The following NOTCH1 variants were observed in gnomAD, a reference collection of about 807,000 sequenced individuals.
NOTCH1 encodes the protein neurogenic locus notch homolog protein 1.
In NOTCH1, 37 loss-of-function variants were observed where a neutral mutation model predicts 254.8. The observed-to-expected ratio is 0.15, with a 90% CI of 0.11 to 0.19. The LOEUF is 0.19. NOTCH1 is among the 10% of genes least tolerant of loss of function. NOTCH1 has a pLI of 1.00. For synonymous variants in NOTCH1, 1,731 were observed against 1,618.1 expected (o/e 1.07, Z -1.68); for missense variants, 2,972 against 3,708.6 (o/e 0.80, Z 5.16).
intron 15 of NOTCH1, among the ~76,000 whole-genome samples, chr9:136,512,150 G>T (rs527983152): frequency 6.6e-6 from 1 of 152,236 alleles, no homozygotes; most frequent in Non-Finnish European, 1.5e-5. Flanking sequence ...CTGCCGGCCC[G>T]ATCGACGTGT....
intron 2 of NOTCH1, among the ~76,000 whole-genome samples, chr9:136,530,780 G>A (rs551372453): frequency 8.5e-5 from 13 of 152,334 alleles, no homozygotes; most frequent in African/African-American, 3.1e-4. Flanking sequence ...GACACGCCGG[G>A]GCTCTGCTCC....
intron 4 of NOTCH1, among the ~76,000 whole-genome samples, chr9:136,520,985 C>G (rs1194020981): frequency 6.6e-6 from 1 of 152,202 alleles, no homozygotes; most frequent in Non-Finnish European, 1.5e-5. Flanking sequence ...TGCTGACGTG[C>G]CAGGCAGGCT....
intron 24 of NOTCH1, 71 bp from the exon 25 acceptor site, chr9:136,505,952 C>T: frequency 7.1e-7 from 1 of 1,416,438 alleles, no homozygotes; most frequent in South Asian, 1.3e-5. Context: ...TCACACCCAG[C>T]CCTCGGCCAG....
rs748988550 is a variant in NOTCH1 at position 136,496,850 on chromosome 9, T to C, written c.6889A>G (p.Thr2297Ala). Residue 2297 changes from threonine (T) to alanine (A), a missense_variant, in exon 34 of 34, where the codon ACT (threonine) becomes GCT (alanine). Coordinates refer to ENST00000651671, the MANE Select transcript of NOTCH1 (RefSeq NM_017617.5). ...GSSSGGALNF[T>A]VGGSTSLNGQ... ...TTCAAACTGGTGGACCCGCCCACAG[T>C]GAAATTCAGGGCCCCTCCGCTGCTG... 4 of 1,612,810 alleles carry C rather than the reference T, an allele frequency of 2.5e-6. No homozygotes were observed. The highest frequency in any genetic ancestry group is 3.4e-6 in the Non-Finnish European group (4 of 1,179,978).
rs867637156 is a variant in NOTCH1 at position 136,504,830 on chromosome 9, C to G, written c.4861G>C (p.Gly1621Arg). 6.3e-7 allele frequency: 1 copy of G among 1,575,790 alleles called. No individual in the cohort carries two copies. The highest frequency in any genetic ancestry group is 8.6e-7 in the Non-Finnish European group (1 of 1,161,188). The change falls in exon 26 of 34, where the codon GGC (glycine) becomes CGC (arginine). Residue 1621 changes from glycine (G) to arginine (R), a missense_variant. By Grantham distance (125) the Gly-to-Arg change is moderately radical. Coordinates refer to ENST00000651671, the MANE Select transcript of NOTCH1 (RefSeq NM_017617.5). ...HGQQMIFPYY[G>R]REEELRKHPI... The stretch of plus-strand genomic sequence containing the variant: ...TGCTTGCGCAGCTCCTCCTCGCGGC[C>G]GTAGTAGGGGAAGATCATCTGCTGG...
chr9:136,516,097 G>C lies in NOTCH1; in HGVS notation c.1556-3C>G. 1 of 1,607,230 alleles carries C rather than the reference G, an allele frequency of 6.2e-7. No individual in the cohort carries two copies. Among genetic ancestry groups the C allele is most frequent in the Non-Finnish European group, 8.5e-7 (1 of 1,177,084 alleles). On this transcript the variant is annotated splice_region_variant and splice_polypyrimidine_tract_variant and intron_variant, in intron 9 of 33. Transcript: ENST00000651671. ...CTGGCACAGATGCCCAGTGAAGCCT[G>C]GGGCCGGGGAGGGGAGGGGAGGGAG...
Position 136,516,988 on chromosome 9 carries a change from C to T in NOTCH1, c.1555+284G>A, listed in dbSNP as rs573610958. ...TACGGCCAGGCACCCCTCAGGAGGC[C>T]GGGGTGCAGACGGCCCAGGGGCAGG... is the stretch of plus-strand genomic sequence containing the variant. On this transcript the variant is annotated intron_variant, in intron 9 of 33. Transcript: ENST00000651671. Among the ~76,000 whole-genome samples the T allele has an allele frequency of 2.1e-3, 317 of 150,842 alleles. 1 individual carries two copies. Among genetic ancestry groups the T allele is most frequent in the Middle Eastern group, 0.01 (3 of 292 alleles).
rs2133371643 is a variant in NOTCH1 at position 136,518,812 on chromosome 9, G to A, written c.878C>T (p.Thr293Ile). ...CPPEWTGQYC[T>I]EDVDECQLMP... ...CAGCTGGCACTCGTCCACATCCTCG[G>A]TACAGTACTGACCTGCAGGGAACAG... The change falls in exon 6 of 34, where the codon ACC (threonine) becomes ATC (isoleucine). Residue 293 changes from threonine (T) to isoleucine (I), a missense_variant. Physicochemically the swap from Thr to Ile is moderately conservative, Grantham distance 89. Around this residue, in one of 8 missense-constraint regions of NOTCH1, gnomAD observed 374 missense variants for 496.3 expected, o/e 0.75. Coordinates refer to ENST00000651671, the MANE Select transcript of NOTCH1 (RefSeq NM_017617.5). 1 of 1,612,730 alleles carries A rather than the reference G, an allele frequency of 6.2e-7. No individual in the cohort carries two copies. Among genetic ancestry groups the A allele is most frequent in the Non-Finnish European group, 8.5e-7 (1 of 1,179,922 alleles).
At chr9:136,526,145 G>T (rs1157759978) in intron 2 of NOTCH1, among the ~76,000 whole-genome samples, 2 of 152,214 alleles carry the variant, frequency 1.3e-5, no homozygotes, top group Non-Finnish European at 2.9e-5. Flanking sequence ...CTGTTGGGAG[G>T]GCAGACGTGG....
intron 21 of NOTCH1, 111 bp downstream of exon 21, chr9:136,507,844 T>C: frequency 8.9e-7 from 1 of 1,120,788 alleles, no homozygotes; most frequent in Non-Finnish European, 1.3e-6. Context: ...GACTGAACAG[T>C]GCATGGGCCT....
intron 2 of NOTCH1, among the ~76,000 whole-genome samples, chr9:136,528,506 G>A (rs1843509298): frequency 6.7e-6 from 1 of 148,628 alleles, no homozygotes; most frequent in African/African-American, 2.5e-5. Flanking sequence ...GGCAGGGACA[G>A]TGAGGGGGAT....
At chr9:136,512,975 C>CCCA in intron 15 of NOTCH1, 46 bp downstream of exon 15, 1 of 719,678 alleles carries the variant, frequency 1.4e-6, no homozygotes. Flanking sequence ...CCGCCCCTCC[C>CCCA]ACATAGGCCC....
rs761192850 is a variant in NOTCH1, at chr9:136,508,146, G to A, written c.3326-7C>T. On this transcript the variant is annotated splice_region_variant and splice_polypyrimidine_tract_variant and intron_variant, in intron 20 of 33. Coordinates refer to ENST00000651671, the MANE Select transcript of NOTCH1 (RefSeq NM_017617.5). Reference sequence around the variant, plus strand: ...AGGCGGGCAACGTCAACACCTGCGGGGGATGGGGTGGTAGACAGGTGAGGC... The same window carrying A: ...AGGCGGGCAACGTCAACACCTGCGGAGGATGGGGTGGTAGACAGGTGAGGC... 6.2e-7 allele frequency: 1 copy of A among 1,607,976 alleles called. No homozygotes were observed. The highest frequency in any genetic ancestry group is 8.5e-7 in the Non-Finnish European group (1 of 1,179,678).
chr9:136,511,248 C>T lies in NOTCH1; in HGVS notation c.2491G>A (p.Ala831Thr), dbSNP rs1221479422. 1.2e-6 allele frequency: 2 copies of T among 1,612,380 alleles called. No homozygotes were observed. Among genetic ancestry groups the T allele is most frequent in the Admixed American group, 1.7e-5 (1 of 59,996 alleles). Residue 831 changes from alanine (A) to threonine (T), a missense_variant, in exon 16 of 34, where the codon GCC becomes ACC. This residue lies in a region of NOTCH1 where 1,343 missense variants were observed against 1,557.0 expected (regional missense o/e 0.86). Transcript: ENST00000651671. ...YTGATCEVVL[A>T]PCAPSPCRNG... ...CTGCAGGGGCTGGGGGCACACGGGG[C>T]CAGCACCACCTCACACGTGGCACCT...
intron 9 of NOTCH1, among the ~76,000 whole-genome samples, chr9:136,516,339 A>G (rs1466965085): frequency 6.6e-6 from 1 of 152,164 alleles, no homozygotes; most frequent in East Asian, 1.9e-4. Flanking sequence ...CTGGGTTGCT[A>G]TGGCTACAGT....
Position 136,508,936 on chromosome 9 carries a change from G to A in NOTCH1, c.3105C>T (p.Thr1035=), listed in dbSNP as rs1160382933. 6.5e-7 allele frequency: 1 copy of A among 1,550,116 alleles called. No individual in the cohort carries two copies. The highest frequency in any genetic ancestry group is 8.7e-7 in the Non-Finnish European group (1 of 1,147,522). Residue 1035 remains threonine (T), a synonymous_variant, in exon 19 of 34, where the codon ACC becomes ACT. Coordinates refer to ENST00000651671, the MANE Select transcript of NOTCH1 (RefSeq NM_017617.5). Reference sequence around the variant, plus strand: ...TGTAGGAGCCGCAGCCGTCCTGACAGGTGCCGCCATGCAGGCAGGGCTGTG... The same window carrying A: ...TGTAGGAGCCGCAGCCGTCCTGACAAGTGCCGCCATGCAGGCAGGGCTGTG... ...CDSQPCLHGG[T]CQDGCGSYRC...
At chr9:136,507,800 G>A (rs1843112598) in intron 21 of NOTCH1, among the ~76,000 whole-genome samples, 155 bp downstream of exon 21, 1 of 152,200 alleles carries the variant, frequency 6.6e-6, no homozygotes, top group Non-Finnish European at 1.5e-5. Flanking sequence ...CTTCCAGGCA[G>A]TCTACCCTGA....
chr9:136,505,438 G>C lies in NOTCH1; in HGVS notation c.4458C>G (p.Pro1486=), dbSNP rs747236263. The change falls in exon 25 of 34, where the codon CCC becomes CCG. Residue 1486 remains proline, a synonymous_variant. Transcript: ENST00000651671. The stretch of plus-strand genomic sequence containing the variant: ...GCAGAGACTGCGTGCAGTTCTTCCA[G>C]GGGTCATTGAAGTTGAGGGAGCAGT... ...GGDCSLNFND[P]WKNCTQSLQC... is the part of the protein sequence containing the mutation. 34 of 1,612,814 alleles carry C rather than the reference G, an allele frequency of 2.1e-5. No individual in the cohort carries two copies. In the African/African-American group the frequency reaches 3.7e-4, roughly 18 times the overall value.
intron 2 of NOTCH1, among the ~76,000 whole-genome samples, chr9:136,532,734 A>G (rs1236200772): frequency 6.6e-6 from 1 of 152,108 alleles, no homozygotes; most frequent in Non-Finnish European, 1.5e-5. Flanking sequence ...CCCATCTCCT[A>G]AGGAGGAGGG....
Sources: allele counts gnomAD v4.1 joint callset (sites outside exome capture counted in the v4.1 genomes callset), GRCh38; gene constraint gnomAD v4.1.1; regional missense constraint gnomAD v4.1.1; transcripts MANE v1.5; gene names NCBI Gene and HGNC (gene_info 2026-07-23, HGNC 2026-07-21).